Variants in GRIN3A observed in about 807,000 individuals in gnomAD.
GRIN3A encodes glutamate receptor ionotropic, NMDA 3A.
GRIN3A carries 47 observed loss-of-function variants against 92.4 expected under a neutral mutation model. The ratio of observed to expected loss-of-function variants is 0.51; its 90% CI spans 0.40 to 0.65. GRIN3A has a LOEUF of 0.65. Among genes scored for constraint, GRIN3A ranks in the 30% least tolerant of loss-of-function variants. The probability of loss-of-function intolerance (pLI) is 0.00; values close to 1 mark genes in which losing one functional copy is unlikely to be tolerated. For synonymous variants in GRIN3A, 527 were observed against 540.6 expected (o/e 0.97, Z 0.35); for missense variants, 1,324 against 1,393.1 (o/e 0.95, Z 0.79).
chr9:101,687,830 G>T (rs1281930884), intron 1 of GRIN3A, among the ~76,000 whole-genome samples: 2 of 152,136 alleles, frequency 1.3e-5, no homozygotes, highest in African/African-American at 4.8e-5. Flanking sequence ...CTGGATTCTT[G>T]CTGTGAAAAG....
rs1294604326 is a variant in GRIN3A, at chr9:101,577,143, T to C, written c.3008+625A>G. Among the ~76,000 whole-genome samples the C allele has an allele frequency of 2.0e-5, 3 of 152,190 alleles. No homozygotes were observed. The East Asian group carries it at 5.8e-4, about 29-fold the overall frequency. On this transcript the variant is annotated intron_variant, in intron 8 of 8. Transcript: ENST00000361820. The stretch of plus-strand genomic sequence containing the variant: ...TTTAATGTTTGTTATTTCCTATTAA[T>C]AAGATGCTCTTTGCTAGGGAGTTTG...
intron 3 of GRIN3A, among the ~76,000 whole-genome samples, chr9:101,646,486 G>C (rs957670971): frequency 3.3e-5 from 5 of 151,880 alleles, no homozygotes; most frequent in Non-Finnish European, 7.4e-5. Flanking sequence ...GCTTAGGATT[G>C]CTTTAGCTAT....
chr9:101,608,343 C>T (rs1828313696), intron 6 of GRIN3A, among the ~76,000 whole-genome samples: 1 of 152,196 alleles, frequency 6.6e-6, no homozygotes, highest in South Asian at 2.1e-4. Flanking sequence ...TGATATTAGC[C>T]TTTTATTCAA....
At chr9:101,604,055 C>T (rs1291371776) in intron 6 of GRIN3A, among the ~76,000 whole-genome samples, 1 of 152,174 alleles carries the variant, frequency 6.6e-6, no homozygotes, top group African/African-American at 2.4e-5. Flanking sequence ...AGCTCTCTGC[C>T]TGTGAGCTCT....
chr9:101,682,568 AC>A (rs1335860775), intron 2 of GRIN3A, among the ~76,000 whole-genome samples: 7 of 152,208 alleles, frequency 4.6e-5, no homozygotes, highest in African/African-American at 1.7e-4. Flanking sequence ...CATTTTGTCT[AC>A]CCGACCATAG....
chr9:101,724,211 G>T (rs1275174573), intron 1 of GRIN3A, among the ~76,000 whole-genome samples: 1 of 152,218 alleles, frequency 6.6e-6, no homozygotes, highest in Non-Finnish European at 1.5e-5. Flanking sequence ...GCCCACTGAG[G>T]GTGTGGGAGG....
intron 1 of GRIN3A, among the ~76,000 whole-genome samples, chr9:101,703,713 G>A (rs1243548394): frequency 5.3e-5 from 8 of 152,178 alleles, no homozygotes; most frequent in African/African-American, 1.9e-4. Flanking sequence ...CTACTGAAGA[G>A]CTCACATTTT....
intron 1 of GRIN3A, among the ~76,000 whole-genome samples, chr9:101,688,014 C>A (rs1242108911): frequency 6.6e-6 from 1 of 152,156 alleles, no homozygotes; most frequent in African/African-American, 2.4e-5. Context: ...TTGTTGTCCT[C>A]AAGAGCAAGC....
At chr9:101,704,746 A>C (rs1391439964) in intron 1 of GRIN3A, among the ~76,000 whole-genome samples, 1 of 152,208 alleles carries the variant, frequency 6.6e-6, no homozygotes, top group African/African-American at 2.4e-5. Flanking sequence ...AACGTGGGCT[A>C]GGCTAGGCAA....
intron 1 of GRIN3A, among the ~76,000 whole-genome samples, chr9:101,703,752 C>T (rs954924034): frequency 2.6e-5 from 4 of 152,114 alleles, no homozygotes; most frequent in African/African-American, 7.2e-5. Flanking sequence ...CAGAAATTGT[C>T]CTTGTGGAAT....
chr9:101,632,704 A>G (rs1020243867), intron 3 of GRIN3A, among the ~76,000 whole-genome samples: 1 of 152,204 alleles, frequency 6.6e-6, no homozygotes, highest in African/African-American at 2.4e-5. Flanking sequence ...GCAGTCACAG[A>G]ATAATAGAAT....
chr9:101,629,297 A>G (rs1014661223), intron 3 of GRIN3A, among the ~76,000 whole-genome samples: 2 of 152,310 alleles, frequency 1.3e-5, no homozygotes, highest in East Asian at 1.9e-4. Context: ...ACGCACATGC[A>G]CACACACCTT....
Position 101,621,154 on chromosome 9 carries a change from G to A in GRIN3A, c.2614+2164C>T, listed in dbSNP as rs1047187167. 5.3e-5 allele frequency among the ~76,000 whole-genome samples: 8 copies of A among 151,762 alleles called. No homozygotes were observed. The East Asian group carries it at 9.8e-4, about 19-fold the overall frequency. On this transcript the variant is annotated intron_variant, in intron 5 of 8. Transcript: ENST00000361820. Reference sequence around the variant, plus strand: ...ACAAAAATTAGCGGGGTGTGGTGGTGGGCACCTGTAATCCCAGCTACCCGG... The same window carrying A: ...ACAAAAATTAGCGGGGTGTGGTGGTAGGCACCTGTAATCCCAGCTACCCGG...
intron 1 of GRIN3A, among the ~76,000 whole-genome samples, chr9:101,704,126 C>T (rs1829785805): frequency 6.6e-6 from 1 of 151,496 alleles, no homozygotes. Context: ...TAGTTAATGT[C>T]TTCAAAAGAT....
Position 101,639,452 on chromosome 9 carries a change from TG to T in GRIN3A, c.2353-11052del, listed in dbSNP as rs1396532079. 3.3e-5 allele frequency among the ~76,000 whole-genome samples: 5 copies of T among 152,296 alleles called. No homozygotes were observed. The East Asian group carries it at 9.7e-4, about 29-fold the overall frequency. On this transcript the variant is annotated intron_variant, in intron 3 of 8. Transcript: ENST00000361820. Reference sequence around the variant, plus strand: ...CCAAACTTCAAGGTGAAAAATGACCTGTGGACTGTGGAACTCAAACTTCTCT... The same window carrying T: ...CCAAACTTCAAGGTGAAAAATGACCTTGGACTGTGGAACTCAAACTTCTCT...
intron 5 of GRIN3A, among the ~76,000 whole-genome samples, chr9:101,618,743 CATAAA>C (rs966158292): frequency 1.1e-4 from 16 of 152,214 alleles, no homozygotes; most frequent in Admixed American, 9.2e-4. Context: ...TATTCAAAAA[CATAAA>C]ATAAAACCTT....
At chr9:101,638,786 T>C (rs1034722957) in intron 3 of GRIN3A, among the ~76,000 whole-genome samples, 9 of 152,230 alleles carry the variant, frequency 5.9e-5, no homozygotes, top group Admixed American at 5.2e-4. Context: ...ATTACTATAG[T>C]ACACAGTAAA....
At chr9:101,701,131 A>G (rs1239444737) in intron 1 of GRIN3A, among the ~76,000 whole-genome samples, 1 of 152,142 alleles carries the variant, frequency 6.6e-6, no homozygotes, top group Non-Finnish European at 1.5e-5. Flanking sequence ...TATTTTTTTC[A>G]CAGGGAAATA....
chr9:101,643,310 C>T (rs1486478059), intron 3 of GRIN3A, among the ~76,000 whole-genome samples: 3 of 152,102 alleles, frequency 2.0e-5, no homozygotes, highest in East Asian at 3.9e-4. Context: ...TGCTCAAGAT[C>T]ACTAATCATC....
Sources: allele counts gnomAD v4.1 joint callset (sites outside exome capture counted in the v4.1 genomes callset), GRCh38; gene constraint gnomAD v4.1.1; transcripts MANE v1.5; gene names NCBI Gene and HGNC (gene_info 2026-07-23, HGNC 2026-07-21).